Variants in BBS1 observed in about 807,000 individuals in gnomAD.
BBS1 encodes the protein Bardet-Biedl syndrome 1.
A neutral mutation model predicts 73.9 loss-of-function variants in BBS1; 60 were observed. The ratio of observed to expected loss-of-function variants is 0.81; its 90% CI spans 0.66 to 1.01. The LOEUF (loss-of-function observed/expected upper bound fraction) is 1.01. BBS1 is among the 50% of genes least tolerant of loss of function. The pLI is 0.00. For synonymous variants in BBS1, 283 were observed against 317.4 expected, an observed-to-expected ratio of 0.89 and a Z score of 1.15; for missense variants, 718 against 770.3, an observed-to-expected ratio of 0.93 and a Z score of 0.80.
At chr11:66,515,512 C>G in intron 4 of BBS1, 28 bp from the exon 5 acceptor site, 1 of 1,613,804 alleles carries the variant, frequency 6.2e-7, no homozygotes, top group Non-Finnish European at 8.5e-7. Flanking sequence ...GGCTTGAGCT[C>G]ACAGGCTCTC....
chr11:66,528,352 G>T (rs375831552), intron 13 of BBS1, among the ~76,000 whole-genome samples: 1 of 152,228 alleles, frequency 6.6e-6, no homozygotes, highest in South Asian at 2.1e-4. Flanking sequence ...TGTAAAGCTT[G>T]AAGTTGCAGT....
rs537793357 is a variant in BBS1 at position 66,525,056 on chromosome 11, C to A, written c.1111-1067C>A. On this transcript the variant is annotated intron_variant, in intron 11 of 16. Coordinates refer to ENST00000318312, the MANE Select transcript of BBS1 (RefSeq NM_024649.5). ...TCTACTAAAAATACAAAAAATTAGC[C>A]GGGCATGGTGGCAGGTGCCTGTAGT... Among the ~76,000 whole-genome samples, 6 of 152,166 alleles carry A rather than the reference C, an allele frequency of 3.9e-5. No homozygotes were observed. In the South Asian group the frequency reaches 1.2e-3, roughly 32 times the overall value.
intron 8 of BBS1, chr11:66,521,060 G>C: frequency 1.7e-6 from 1 of 604,996 alleles, no homozygotes; most frequent in Non-Finnish European, 3.0e-6. Context: ...AGTCCTAGAA[G>C]TGGCATCGTT....
At chr11:66,530,749 C>A in intron 14 of BBS1, 145 bp from the exon 15 acceptor site, 2 of 1,223,424 alleles carry the variant, frequency 1.6e-6, no homozygotes, top group East Asian at 2.4e-5. Context: ...CCCTCTGCCC[C>A]TTCTGGTCTT....
intron 11 of BBS1, among the ~76,000 whole-genome samples, 181 bp from the exon 12 acceptor site, chr11:66,525,928 GATATTTGGTCTGGA>G (rs2134807963): frequency 6.6e-6 from 1 of 152,286 alleles, no homozygotes; most frequent in East Asian, 1.9e-4. Context: ...GAGGGCCAGT[GATATTTGGTCTGGA>G]ACTGAGGTAG....
At position 66,514,604 on chromosome 11, in the gene BBS1, C is replaced by A. The variant is rs150253659; in HGVS notation, c.358C>A (p.Pro120Thr). Residue 120 changes from proline (P) to threonine (T), a missense_variant, in exon 4 of 17, where the codon CCC becomes ACC. Transcript: ENST00000318312. ...TGTCTATGTGTATAAGAATCTCAGA[C>A]CCTACTTCAAGTTCAGCCTGCCCCA... ...PCVYVYKNLR[P>T]YFKFSLPQLP... is the part of the protein sequence containing the mutation. 1 of 1,613,926 alleles carries A rather than the reference C, an allele frequency of 6.2e-7. No homozygotes were observed. The highest frequency in any genetic ancestry group is 8.5e-7 in the Non-Finnish European group (1 of 1,180,030).
intron 1 of BBS1, 71 bp downstream of exon 1, chr11:66,510,777 G>A: frequency 6.3e-7 from 1 of 1,596,958 alleles, no homozygotes. Context: ...CCGGGCTCTG[G>A]GCTCCTGCTG....
chr11:66,516,067 T>TA (rs1295477953), intron 7 of BBS1, 134 bp downstream of exon 7: 1 of 840,560 alleles, frequency 1.2e-6, no homozygotes, highest in African/African-American at 1.7e-5. Flanking sequence ...AGCCATGCCA[T>TA]GTGTGTGTAG....
intron 16 of BBS1, 86 bp from the exon 17 acceptor site, chr11:66,531,865 C>T: frequency 6.3e-7 from 1 of 1,593,702 alleles, no homozygotes; most frequent in African/African-American, 1.3e-5. Flanking sequence ...CACAGTGGAG[C>T]CCTGTGGCCT....
chr11:66,518,743 C>T (rs1404978158), intron 7 of BBS1, among the ~76,000 whole-genome samples: 2 of 150,610 alleles, frequency 1.3e-5, no homozygotes, highest in Non-Finnish European at 3.0e-5. Context: ...TGAGCCACCA[C>T]GCCCAGCCCT....
chr11:66,511,280 G>T (rs1855939401), intron 3 of BBS1, 41 bp downstream of exon 3: 2 of 1,606,516 alleles, frequency 1.2e-6, no homozygotes, highest in South Asian at 1.1e-5. Flanking sequence ...AGGGTAGGGG[G>T]GTGTACCCAG....
intron 13 of BBS1, chr11:66,529,045 TTAAAAA>T (rs910024354): frequency 5.7e-5 from 56 of 979,628 alleles, no homozygotes; most frequent in Non-Finnish European, 6.8e-5. Context: ...TCTGGATAGA[TTAAAAA>T]TAAATTGTAA....
intron 16 of BBS1, 70 bp downstream of exon 16, chr11:66,531,812 A>C: frequency 6.2e-7 from 1 of 1,613,198 alleles, no homozygotes; most frequent in Non-Finnish European, 8.5e-7. Context: ...GTGAGTGCCA[A>C]CAAAGACCTT....
Position 66,515,562 on chromosome 11 carries a change from T to A in BBS1, c.455T>A (p.Leu152Gln), listed in dbSNP as rs1350170473. 2 of 1,614,160 alleles carry A rather than the reference T, an allele frequency of 1.2e-6. No homozygotes were observed. Among genetic ancestry groups the A allele is most frequent in the Non-Finnish European group, 1.7e-6 (2 of 1,180,014 alleles). The part of the protein sequence containing the change: ...AKEDRIDPLT[L>Q]KEMLESIRET... ...CAGGACCGAATCGACCCCTTAACCCTGAAGGAGATGCTGGAGAGCATCCGG... is the reference window on the plus strand; with the variant it reads ...CAGGACCGAATCGACCCCTTAACCCAGAAGGAGATGCTGGAGAGCATCCGG... The change falls in exon 5 of 17, where the codon CTG becomes CAG. Residue 152 changes from leucine to glutamine, a missense_variant. Physicochemically the swap from Leu to Gln is moderately radical, Grantham distance 113. Transcript: ENST00000318312.
chr11:66,529,923 G>C lies in BBS1; in HGVS notation c.1444G>C (p.Ala482Pro). The C allele has an allele frequency of 6.2e-7, 1 of 1,605,204 alleles. No individual in the cohort carries two copies. The highest frequency in any genetic ancestry group is 8.5e-7 in the Non-Finnish European group (1 of 1,179,694). The change falls in exon 14 of 17, where the codon GCC becomes CCC. Residue 482 changes from alanine to proline, a missense_variant. Coordinates refer to ENST00000318312, the MANE Select transcript of BBS1 (RefSeq NM_024649.5). ...ESSLSPLSTT[A>P]REPLKLHAVV... The stretch of plus-strand genomic sequence containing the variant: ...CAGCCTGAGCCCCCTGTCCACGACA[G>C]CCCGAGAGCCACTCAAGCTGCACGC...
intron 8 of BBS1, chr11:66,520,891 G>A (rs978354779): frequency 3.0e-5 from 10 of 333,798 alleles, no homozygotes; most frequent in South Asian, 2.5e-4. Context: ...GCTAAGTTTT[G>A]TACTTTTGGT....
At chr11:66,519,357 C>T (rs983866556) in intron 7 of BBS1, among the ~76,000 whole-genome samples, 8 of 151,598 alleles carry the variant, frequency 5.3e-5, no homozygotes, top group African/African-American at 1.9e-4. Context: ...GGCGACAGAG[C>T]GAGAACCTGT....
intron 7 of BBS1, among the ~76,000 whole-genome samples, chr11:66,518,894 A>G (rs112920962): frequency 0.02 from 3,023 of 151,812 alleles, 89 homozygotes; most frequent in African/African-American, 0.069. Flanking sequence ...AGTACCTGGG[A>G]CTACAGATGC....
chr11:66,527,070 A>G, intron 13 of BBS1: 5 of 1,508,614 alleles, frequency 3.3e-6, no homozygotes, highest in Non-Finnish European at 2.7e-6. Flanking sequence ...AAACGCAGGA[A>G]TTCTCATGAG....
Sources: allele counts gnomAD v4.1 joint callset (sites outside exome capture counted in the v4.1 genomes callset), GRCh38; gene constraint gnomAD v4.1.1; transcripts MANE v1.5; gene names NCBI Gene and HGNC (gene_info 2026-07-23, HGNC 2026-07-21).